PYROXD1: variants seen among roughly 807,000 people sequenced by gnomAD.
PYROXD1 encodes tRNA ligase complex-associated NAD(P)H dehydrogenase PYROXD1.
A neutral mutation model predicts 62.0 loss-of-function variants in PYROXD1; 42 were observed. That is an observed-to-expected ratio of 0.68 (90% CI 0.53 to 0.88). PYROXD1 has a LOEUF of 0.88. PYROXD1 is among the 40% of genes least tolerant of loss of function. The probability of loss-of-function intolerance (pLI) is 0.00; values close to 1 mark genes in which losing one functional copy is unlikely to be tolerated. For missense variants in PYROXD1, 493 were observed against 604.8 expected (o/e 0.82, Z 1.94); for synonymous variants, 170 against 206.4 (o/e 0.82, Z 1.51).
intron 1 of PYROXD1, among the ~76,000 whole-genome samples, chr12:21,440,035 T>A (rs909006519): frequency 1.3e-5 from 2 of 152,228 alleles, no homozygotes; most frequent in Non-Finnish European, 2.9e-5. Context: ...ATTAGGAAGA[T>A]AGTTTATTCT....
intron 11 of PYROXD1, 105 bp from the exon 12 acceptor site, chr12:21,468,401 T>C: frequency 1.9e-6 from 2 of 1,037,862 alleles, no homozygotes; most frequent in Non-Finnish European, 2.8e-6. Flanking sequence ...TATGAAATTT[T>C]GTGGCATAAG....
intron 5 of PYROXD1, chr12:21,454,915 G>GTT (rs1377629252): frequency 3.0e-6 from 1 of 328,118 alleles, no homozygotes; most frequent in African/African-American, 2.1e-5. Context: ...TCACTTAAAG[G>GTT]TTCTTTCTGT....
chr12:21,455,446 T>G (rs1190804215), intron 6 of PYROXD1, among the ~76,000 whole-genome samples, 154 bp downstream of exon 6: 1 of 131,492 alleles, frequency 7.6e-6, no homozygotes, highest in East Asian at 2.2e-4. Context: ...TTCTATTTTA[T>G]ATATATGTAT....
rs555254621 is a variant in PYROXD1 at position 21,446,918 on chromosome 12, A to G, written c.285+1452A>G. On this transcript the variant is annotated intron_variant, in intron 3 of 11. Transcript: ENST00000240651. Reference sequence around the variant, plus strand: ...CAACAGAGTGAGACCCTGTCTCAAAAAGGATAATAATAATTTTTAAAAAAT... The same window carrying G: ...CAACAGAGTGAGACCCTGTCTCAAAGAGGATAATAATAATTTTTAAAAAAT... Among the ~76,000 whole-genome samples the G allele has an allele frequency of 2.1e-3, 320 of 152,308 alleles. 1 individual carries two copies. In the Middle Eastern group the frequency reaches 0.034, roughly 16 times the overall value.
chr12:21,446,873 C>T (rs924735560), intron 3 of PYROXD1, among the ~76,000 whole-genome samples: 3 of 151,956 alleles, frequency 2.0e-5, no homozygotes, highest in African/African-American at 4.8e-5. Context: ...TGTGATTGCG[C>T]CACTGCACTC....
At position 21,460,426 on chromosome 12, in the gene PYROXD1, TTTA is replaced by T. The variant is rs1299072142; in HGVS notation, c.751-596_751-594del. ...TTTATTTATTTATTTATTTATTTTA[TTTA>T]TTTATTTTTTTTGAGACAGAGTCTC... is the stretch of plus-strand genomic sequence containing the variant. On this transcript the variant is annotated intron_variant, in intron 7 of 11. Coordinates refer to ENST00000240651, the MANE Select transcript of PYROXD1 (RefSeq NM_024854.5). 1.9e-3 allele frequency among the ~76,000 whole-genome samples: 206 copies of T among 109,608 alleles called. 2 individuals carry two copies. The highest frequency in any genetic ancestry group is 5.4e-3 in the Middle Eastern group (1 of 186). The allele number at this position is 109,608 out of a possible 152,430, so 71.9% of individuals were successfully genotyped here.
intron 7 of PYROXD1, among the ~76,000 whole-genome samples, chr12:21,457,711 G>A (rs981184146): frequency 6.9e-6 from 1 of 144,868 alleles, no homozygotes; most frequent in African/African-American, 2.6e-5. Context: ...AGAGAGAAGG[G>A]GGCTGGTGCC....
intron 10 of PYROXD1, 97 bp downstream of exon 10, chr12:21,462,959 T>C: frequency 3.1e-6 from 4 of 1,286,942 alleles, no homozygotes; most frequent in Non-Finnish European, 4.2e-6. Flanking sequence ...TTTCCAACTT[T>C]TCTGCTTAAG....
intron 6 of PYROXD1, 132 bp downstream of exon 6, chr12:21,455,424 A>G: frequency 2.8e-6 from 1 of 361,216 alleles, no homozygotes; most frequent in Non-Finnish European, 4.9e-6. Flanking sequence ...CTTTACATGA[A>G]GTTTTCAGAT....
chr12:21,464,735 TTA>T (rs397705210), intron 10 of PYROXD1, among the ~76,000 whole-genome samples: 4,845 of 58,596 alleles, frequency 0.083, 114 homozygotes, highest in Middle Eastern at 0.2. Context: ...TTTTTTTTTT[TTA>T]TTATTATATT....
intron 7 of PYROXD1, among the ~76,000 whole-genome samples, chr12:21,459,591 A>G (rs1298810858): frequency 2.0e-5 from 3 of 152,134 alleles, no homozygotes; most frequent in Admixed American, 6.5e-5. Context: ...GGGGCATGCA[A>G]TTGGTATTGG....
Position 21,470,701 on chromosome 12 carries a change from G to T in PYROXD1, c.*1947G>T, listed in dbSNP as rs1942928142. The T allele has an allele frequency of 1.3e-5, 4 of 318,150 alleles. No homozygotes were observed. Among genetic ancestry groups the T allele is most frequent in the African/African-American group, 8.6e-5 (4 of 46,384 alleles). 19.7% of individuals were successfully genotyped at this position (318,150 alleles called of 1,614,324 possible). A position where few individuals can be genotyped will look rare whatever the true frequency, so the allele number is the denominator to read the frequency against. On this transcript the variant is annotated 3_prime_UTR_variant, in exon 12 of 12. Transcript: ENST00000240651. ...TAGTAATCACAACCAAATAAGAGCA[G>T]AGTGCATAACAAAATTAGATATTCA...
At chr12:21,460,498 G>T (rs932022271) in intron 7 of PYROXD1, among the ~76,000 whole-genome samples, 2 of 149,548 alleles carry the variant, frequency 1.3e-5, no homozygotes, top group Non-Finnish European at 1.5e-5. Context: ...ATCTTGGCTC[G>T]CTGCAACCTC....
At chr12:21,460,361 A>G (rs1255629233) in intron 7 of PYROXD1, among the ~76,000 whole-genome samples, 1 of 151,684 alleles carries the variant, frequency 6.6e-6, no homozygotes, top group African/African-American at 2.4e-5. Context: ...CCTGAAGAAA[A>G]TTTTATAGTC....
At chr12:21,444,259 G>A (rs532141654) in intron 2 of PYROXD1, among the ~76,000 whole-genome samples, 2 of 152,226 alleles carry the variant, frequency 1.3e-5, no homozygotes, top group South Asian at 4.1e-4. Flanking sequence ...ACAAATATCA[G>A]CTATTCTGTG....
chr12:21,438,195 C>T (rs1942229456), intron 1 of PYROXD1: 1 of 174,580 alleles, frequency 5.7e-6, no homozygotes, highest in Non-Finnish European at 1.2e-5. Flanking sequence ...GACTGGAGGG[C>T]AGTGGTGCGA....
chr12:21,469,761 A>G lies in PYROXD1; in HGVS notation c.*1007A>G, dbSNP rs1138675. The G allele has an allele frequency of 0.18, 28,101 of 153,596 alleles. 2,631 individuals carry two copies. The highest frequency in any genetic ancestry group is 0.28 in the Middle Eastern group (81 of 292). 9.5% of individuals were successfully genotyped at this position (153,596 alleles called of 1,614,324 possible). A position where few individuals can be genotyped will look rare whatever the true frequency, so the allele number is the denominator to read the frequency against. On this transcript the variant is annotated 3_prime_UTR_variant, in exon 12 of 12. Coordinates refer to ENST00000240651, the MANE Select transcript of PYROXD1 (RefSeq NM_024854.5). ...GCGGCCCAAGACAATTCTTCTTCCA[A>G]TGTGGCTCAGGGAAGCCAAAAGATT... is the stretch of plus-strand genomic sequence containing the variant.
intron 2 of PYROXD1, chr12:21,441,313 G>T (rs915045136): frequency 2.0e-5 from 3 of 152,132 alleles, no homozygotes; most frequent in African/African-American, 7.2e-5. Flanking sequence ...GTGAGCCACC[G>T]CGCCCAGCCT....
chr12:21,445,176 G>A (rs1448697813), intron 2 of PYROXD1, among the ~76,000 whole-genome samples, 171 bp from the exon 3 acceptor site: 1 of 152,170 alleles, frequency 6.6e-6, no homozygotes, highest in Non-Finnish European at 1.5e-5. Context: ...AAATATTTAA[G>A]TCTCTAAATG....
Sources: allele counts gnomAD v4.1 joint callset (sites outside exome capture counted in the v4.1 genomes callset), GRCh38; gene constraint gnomAD v4.1.1; transcripts MANE v1.5; gene names NCBI Gene and HGNC (gene_info 2026-07-23, HGNC 2026-07-21).